The following FRA10AC1 variants were observed in gnomAD, a reference collection of about 807,000 sequenced individuals.
FRA10AC1 encodes FRA10A associated CGG repeat 1, also known as protein FRA10AC1.
Under a neutral mutation model 56.5 loss-of-function variants are expected in FRA10AC1, and 43 were observed. That is an observed-to-expected ratio of 0.76 (90% confidence interval 0.60 to 0.98). The LOEUF (loss-of-function observed/expected upper bound fraction) is 0.98. Among genes scored for constraint, FRA10AC1 ranks in the 50% least tolerant of loss-of-function variants. FRA10AC1 has a pLI of 0.00. For synonymous variants in FRA10AC1, 112 were observed against 110.5 expected (o/e 1.01, Z -0.09); for missense variants, 346 against 351.8 (o/e 0.98, Z 0.13).
chr10:93,685,029 T>A (rs1189746185), intron 9 of FRA10AC1, among the ~76,000 whole-genome samples: 1 of 152,148 alleles, frequency 6.6e-6, no homozygotes, highest in Non-Finnish European at 1.5e-5. Flanking sequence ...CAGTTTACAT[T>A]TGACATTAGA....
chr10:93,702,593 GGT>G (rs2059363958), upstream of FRA10AC1: 1 of 218,844 alleles, frequency 4.6e-6, no homozygotes, highest in Non-Finnish European at 9.0e-6. Flanking sequence ...CACCACTTCC[GGT>G]CCGACACGGC....
chr10:93,693,627 C>CCATATATATAT (rs1225242905), intron 5 of FRA10AC1, among the ~76,000 whole-genome samples: 4 of 60,192 alleles, frequency 6.6e-5, no homozygotes, highest in South Asian at 7.4e-4. Context: ...TATATATACA[C>CCATATATATAT]ACCATATATA....
chr10:93,692,206 T>C, intron 6 of FRA10AC1, 113 bp from the exon 7 acceptor site: 1 of 747,296 alleles, frequency 1.3e-6, no homozygotes, highest in Non-Finnish European at 2.0e-6. Flanking sequence ...TTAAGAGAAC[T>C]ATTACTTACA....
At chr10:93,672,227 A>G in intron 12 of FRA10AC1, 1 of 274,074 alleles carries the variant, frequency 3.6e-6, no homozygotes, top group South Asian at 3.7e-5. Flanking sequence ...CTGAATCAAC[A>G]TGTGTGTCTG....
intron 5 of FRA10AC1, among the ~76,000 whole-genome samples, chr10:93,693,886 G>C (rs1162114683): frequency 6.6e-6 from 1 of 151,650 alleles, no homozygotes; most frequent in Non-Finnish European, 1.5e-5. Context: ...AGGATGCAAA[G>C]GCAAAAGACT....
rs1177816678 is a variant in FRA10AC1, at chr10:93,702,555, C to G, written c.-181G>C. ...CGCCGCCGCCGCCGCCGCCCGCAAC[C>G]CGCCTCTCCCTACGGGTCCCGACTG... On this transcript the variant is annotated 5_prime_UTR_variant, in exon 1 of 14. Coordinates refer to ENST00000359204, the MANE Select transcript of FRA10AC1 (RefSeq NM_145246.5). 4.6e-6 allele frequency: 1 copy of G among 215,358 alleles called. No individual in the cohort carries two copies. Among genetic ancestry groups the G allele is most frequent in the African/African-American group, 2.6e-5 (1 of 38,920 alleles). 13.3% of individuals were successfully genotyped at this position (215,358 alleles called of 1,614,324 possible). A position where few individuals can be genotyped will look rare whatever the true frequency, so the allele number is the denominator to read the frequency against.
intron 2 of FRA10AC1, among the ~76,000 whole-genome samples, chr10:93,699,428 T>C (rs2059291513): frequency 6.6e-6 from 1 of 152,192 alleles, no homozygotes; most frequent in Non-Finnish European, 1.5e-5. Context: ...AGTCAAAGTA[T>C]AAAACTGAGT....
chr10:93,668,199 A>G lies in FRA10AC1; in HGVS notation c.*1627T>C, dbSNP rs1034923879. 6.6e-6 allele frequency: 1 copy of G among 152,226 alleles called. No homozygotes were observed. The highest frequency in any genetic ancestry group is 1.5e-5 in the Non-Finnish European group (1 of 68,044). The allele number at this position is 152,226 out of a possible 1,614,324, so 9.4% of individuals were successfully genotyped here. ...TCCGTGTTTAAATGTTATTTAAAATAGTATATCTTCAATAAAATACTTGCT... is the reference window on the plus strand; with the variant it reads ...TCCGTGTTTAAATGTTATTTAAAATGGTATATCTTCAATAAAATACTTGCT... On this transcript the variant is annotated 3_prime_UTR_variant, in exon 14 of 14. Transcript: ENST00000359204.
chr10:93,694,804 G>T, intron 5 of FRA10AC1, 57 bp downstream of exon 5: 2 of 883,808 alleles, frequency 2.3e-6, no homozygotes, highest in Non-Finnish European at 3.8e-6. Context: ...GTAGCTGTGG[G>T]TCTTTAAAGT....
chr10:93,670,911 T>C, intron 12 of FRA10AC1, 63 bp from the exon 13 acceptor site: 1 of 1,055,592 alleles, frequency 9.5e-7, no homozygotes, highest in Non-Finnish European at 1.4e-6. Context: ...TTTGAATTAT[T>C]CGCCAATACA....
intron 2 of FRA10AC1, 134 bp downstream of exon 2, chr10:93,699,896 G>T: frequency 1.8e-6 from 1 of 564,514 alleles, no homozygotes; most frequent in Admixed American, 3.5e-5. Context: ...TTAGCTTAAT[G>T]AACAAAAATT....
rs779385688 is a variant in FRA10AC1, at chr10:93,698,399, G to A, written c.78-3C>T. 2.6e-6 allele frequency: 4 copies of A among 1,512,344 alleles called. No homozygotes were observed. The African/African-American group carries it at 5.5e-5, about 21-fold the overall frequency. The allele number at this position is 1,512,344 out of a possible 1,614,324, so 93.7% of individuals were successfully genotyped here. A position where few individuals can be genotyped will look rare whatever the true frequency, so the allele number is the denominator to read the frequency against. On this transcript the variant is annotated splice_polypyrimidine_tract_variant and splice_region_variant and intron_variant, in intron 2 of 13. Coordinates refer to ENST00000359204, the MANE Select transcript of FRA10AC1 (RefSeq NM_145246.5). ...GCAGTAAGTCATCTTCAACTGTCCT[G>A]ATATATTAAGAAGAAAATAAGAGTT...
chr10:93,669,867 C>A lies in FRA10AC1; in HGVS notation c.907G>T (p.Glu303Ter). The stretch of plus-strand genomic sequence containing the variant: ...TGAAAATACTCATCAAATTCTTCTT[C>A]CCTATTTAAAAAAAAAAGCATACTT... ...PLPETDEKSQ[E>*]EEFDEYFQDL... The change falls in exon 14 of 14, where the codon GAA becomes TAA. Residue 303 changes from glutamate to a stop codon, truncating the protein, a stop_gained and splice_region_variant. Coordinates refer to ENST00000359204, the MANE Select transcript of FRA10AC1 (RefSeq NM_145246.5). LOFTEE classifies it high-confidence loss of function. 6.4e-7 allele frequency: 1 copy of A among 1,556,956 alleles called. No individual in the cohort carries two copies.
intron 10 of FRA10AC1, among the ~76,000 whole-genome samples, chr10:93,682,400 T>C (rs1315502357): frequency 6.6e-6 from 1 of 152,198 alleles, no homozygotes; most frequent in Admixed American, 6.5e-5. Flanking sequence ...TAAGAATCAT[T>C]TCCATTTTGA....
At chr10:93,685,423 T>A (rs1253447157) in intron 8 of FRA10AC1, 64 bp from the exon 9 acceptor site, 2 of 741,408 alleles carry the variant, frequency 2.7e-6, no homozygotes, top group East Asian at 5.4e-5. Context: ...TATGATCTAG[T>A]ATTACCCCTA....
At position 93,689,298 on chromosome 10, in the gene FRA10AC1, C is replaced by T. The variant is rs1309220138; in HGVS notation, c.466-1849G>A. 2.0e-5 allele frequency among the ~76,000 whole-genome samples: 3 copies of T among 151,860 alleles called. No individual in the cohort carries two copies. In the East Asian group the frequency reaches 5.8e-4, roughly 29 times the overall value. On this transcript the variant is annotated intron_variant, in intron 7 of 13. Coordinates refer to ENST00000359204, the MANE Select transcript of FRA10AC1 (RefSeq NM_145246.5). ...TTTTTAAAAAATCATTAATCTATTA[C>T]TTGAATTTGGCAATTTTGTATTTTA... is the stretch of plus-strand genomic sequence containing the variant.
intron 12 of FRA10AC1, 105 bp downstream of exon 12, chr10:93,676,548 A>G (rs982015143): frequency 6.4e-6 from 9 of 1,399,220 alleles, no homozygotes; most frequent in Non-Finnish European, 2.8e-6. Context: ...AATAATTAAC[A>G]AAAACAAAAA....
At chr10:93,679,065 T>A (rs535722064) in intron 11 of FRA10AC1, among the ~76,000 whole-genome samples, 1 of 152,184 alleles carries the variant, frequency 6.6e-6, no homozygotes, top group African/African-American at 2.4e-5. Context: ...GAGTTCCACA[T>A]GGTTTTCCTA....
intron 12 of FRA10AC1, among the ~76,000 whole-genome samples, 191 bp downstream of exon 12, chr10:93,676,462 C>T (rs995165339): frequency 6.6e-6 from 1 of 152,050 alleles, no homozygotes; most frequent in African/African-American, 2.4e-5. Context: ...AAATAAGAAA[C>T]TTCTTAATGC....
Sources: gnomAD v4.1 joint callset for allele counts (sites outside exome capture counted in the v4.1 genomes callset) on GRCh38, gnomAD v4.1.1 for gene constraint, MANE v1.5 for transcripts, NCBI Gene and HGNC (gene_info 2026-07-23, HGNC 2026-07-21) for gene names.